The following WWOX variants were observed in gnomAD, a reference collection of about 807,000 sequenced individuals.
The protein encoded by WWOX is WW domain-containing oxidoreductase.
In WWOX, 69 loss-of-function variants were observed where a neutral mutation model predicts 46.2. That is an observed-to-expected ratio of 1.49 (90% CI 1.23 to 1.82). The LOEUF (loss-of-function observed/expected upper bound fraction) is 1.82. WWOX is among the 40% of genes most tolerant of loss of function. WWOX has a pLI of 0.00. For missense variants in WWOX, 919 were observed against 542.6 expected (o/e 1.69, Z -6.89); for synonymous variants, 359 against 202.6 (o/e 1.77, Z -6.56).
intron 8 of WWOX, among the ~76,000 whole-genome samples, chr16:78,621,277 CT>C (rs2046173612): frequency 6.6e-6 from 1 of 152,080 alleles, no homozygotes; most frequent in African/African-American, 2.4e-5. Flanking sequence ...GTTAACTGAA[CT>C]TTCCATTAAC....
At chr16:78,875,991 C>T (rs906619596) in intron 8 of WWOX, among the ~76,000 whole-genome samples, 10 of 151,994 alleles carry the variant, frequency 6.6e-5, no homozygotes, top group African/African-American at 2.4e-4. Flanking sequence ...TGAGTTATAC[C>T]CACTTTAGGT....
intron 8 of WWOX, among the ~76,000 whole-genome samples, chr16:79,015,940 A>C (rs1185309979): frequency 6.6e-6 from 1 of 152,120 alleles, no homozygotes; most frequent in Admixed American, 6.5e-5. Context: ...TAGTAGAGAC[A>C]GGATTTCGCC....
At chr16:78,364,591 CA>C (rs1192613949) in intron 5 of WWOX, among the ~76,000 whole-genome samples, 1 of 151,938 alleles carries the variant, frequency 6.6e-6, no homozygotes, top group Non-Finnish European at 1.5e-5. Flanking sequence ...TTTGTGGTTA[CA>C]GTATAATAAA....
intron 4 of WWOX, among the ~76,000 whole-genome samples, chr16:78,142,867 G>A (rs544522993): frequency 6.6e-6 from 1 of 152,206 alleles, no homozygotes. Context: ...AATATTCGAT[G>A]TTAAATTTGA....
At chr16:79,097,640 AG>A (rs943743265) in intron 8 of WWOX, among the ~76,000 whole-genome samples, 1 of 152,120 alleles carries the variant, frequency 6.6e-6, no homozygotes, top group Non-Finnish European at 1.5e-5. Context: ...CGTACTCCAA[AG>A]GGGGTTAGGT....
intron 6 of WWOX, among the ~76,000 whole-genome samples, chr16:78,398,922 T>C (rs2082349759): frequency 6.6e-6 from 1 of 152,226 alleles, no homozygotes; most frequent in Non-Finnish European, 1.5e-5. Context: ...TTACATTTAC[T>C]GCCTTCTAGT....
chr16:78,751,355 A>G (rs1209055569), intron 8 of WWOX, among the ~76,000 whole-genome samples: 4 of 150,064 alleles, frequency 2.7e-5, no homozygotes, highest in African/African-American at 9.7e-5. Flanking sequence ...CAAAAAAAAG[A>G]AACAGAGGTG....
intron 5 of WWOX, among the ~76,000 whole-genome samples, chr16:78,362,408 A>G (rs886247781): frequency 3.9e-5 from 6 of 152,188 alleles, no homozygotes; most frequent in Non-Finnish European, 8.8e-5. Flanking sequence ...ATAGGAGTTC[A>G]AGACCAGCCT....
chr16:78,159,675 T>G (rs1207266533), intron 4 of WWOX, among the ~76,000 whole-genome samples: 1 of 101,230 alleles, frequency 9.9e-6, no homozygotes, highest in East Asian at 3.2e-4. Context: ...ATCTGTGGTT[T>G]TTTTTTTTTT....
intron 8 of WWOX, among the ~76,000 whole-genome samples, chr16:78,597,362 A>G (rs768167325): frequency 6.6e-6 from 1 of 152,106 alleles, no homozygotes; most frequent in Admixed American, 6.5e-5. Context: ...TGATTCATTC[A>G]TTTGGATTCT....
chr16:78,469,643 G>A (rs1034487809), intron 8 of WWOX, among the ~76,000 whole-genome samples: 1 of 152,226 alleles, frequency 6.6e-6, no homozygotes, highest in African/African-American at 2.4e-5. Context: ...GGACATGTCT[G>A]AGTACCGCGC....
intron 8 of WWOX, among the ~76,000 whole-genome samples, chr16:78,992,557 C>T (rs140688764): frequency 9.9e-5 from 15 of 152,268 alleles, no homozygotes; most frequent in Admixed American, 7.8e-4. Flanking sequence ...TGGATGTGAG[C>T]GTCTGCGTAG....
intron 5 of WWOX, among the ~76,000 whole-genome samples, chr16:78,273,114 T>C (rs1187588678): frequency 3.9e-5 from 6 of 152,212 alleles, no homozygotes; most frequent in Admixed American, 3.9e-4. Flanking sequence ...ATAGAGTCTT[T>C]TAGCTGTTTC....
At chr16:78,928,563 G>C (rs1395586742) in intron 8 of WWOX, among the ~76,000 whole-genome samples, 2 of 152,136 alleles carry the variant, frequency 1.3e-5, no homozygotes, top group East Asian at 1.9e-4. Flanking sequence ...TTTCGTTACA[G>C]ATATTTGATG....
At chr16:78,725,839 G>T (rs545720054) in intron 8 of WWOX, among the ~76,000 whole-genome samples, 1 of 152,004 alleles carries the variant, frequency 6.6e-6, no homozygotes, top group Non-Finnish European at 1.5e-5. Context: ...TCCTTGGCTT[G>T]TAGGTGCATC....
intron 8 of WWOX, among the ~76,000 whole-genome samples, chr16:78,942,812 G>A (rs933464003): frequency 3.3e-5 from 5 of 152,184 alleles, no homozygotes; most frequent in Non-Finnish European, 7.3e-5. Context: ...CTTCTCTCTG[G>A]TTTCCCGGAA....
Position 78,349,514 on chromosome 16 carries a change from C to G in WWOX, c.517-37346C>G, listed in dbSNP as rs1468727093. On this transcript the variant is annotated intron_variant, in intron 5 of 8. Transcript: ENST00000566780. ...CCTTGCCCCACCCTTTAGAAGAAGC[C>G]AGGAGGAGGTCCTAGTCAGCTGATG... Among the ~76,000 whole-genome samples the G allele has an allele frequency of 2.5e-5, 3 of 120,560 alleles. 1 individual carries two copies. Among genetic ancestry groups the G allele is most frequent in the Non-Finnish European group, 5.9e-5 (3 of 50,568 alleles). 79.1% of individuals were successfully genotyped at this position (120,560 alleles called of 152,430 possible).
At chr16:78,712,149 A>G (rs144489018) in intron 8 of WWOX, among the ~76,000 whole-genome samples, 43 of 152,250 alleles carry the variant, frequency 2.8e-4, no homozygotes, top group African/African-American at 7.7e-4. Context: ...CCAATGTTCA[A>G]TTGACTTCGA....
Position 78,728,638 on chromosome 16 carries a change from G to A in WWOX, c.1056+295886G>A, listed in dbSNP as rs985951583. ...TTGACCTCACAGAGCTTCTGGAAGGGTCTCAGAGACATCCCTGAGGGTCCC... is the reference window on the plus strand; with the variant it reads ...TTGACCTCACAGAGCTTCTGGAAGGATCTCAGAGACATCCCTGAGGGTCCC... On this transcript the variant is annotated intron_variant, in intron 8 of 8. Transcript: ENST00000566780. Among the ~76,000 whole-genome samples, 25 of 152,204 alleles carry A rather than the reference G, an allele frequency of 1.6e-4. 1 individual carries two copies. Among genetic ancestry groups the A allele is most frequent in the South Asian group, 8.3e-4 (4 of 4,826 alleles).
Sources: gnomAD v4.1 joint callset for allele counts (sites outside exome capture counted in the v4.1 genomes callset) on GRCh38, gnomAD v4.1.1 for gene constraint, MANE v1.5 for transcripts, NCBI Gene and HGNC (gene_info 2026-07-23, HGNC 2026-07-21) for gene names.